Variants in TXNDC16 observed in about 807,000 individuals in gnomAD.
The protein encoded by TXNDC16 is thioredoxin domain containing 16, also known as thioredoxin domain-containing protein 16.
Under a neutral mutation model 85.6 loss-of-function variants are expected in TXNDC16, and 74 were observed. That is an observed-to-expected ratio of 0.86 (90% CI 0.72 to 1.05). The LOEUF is 1.05. Ranked by LOEUF, TXNDC16 falls within the 50% of genes least tolerant of loss-of-function variation. The probability of loss-of-function intolerance (pLI) is 0.00; values close to 1 mark genes in which losing one functional copy is unlikely to be tolerated. For synonymous variants in TXNDC16, 335 were observed against 326.5 expected, an observed-to-expected ratio of 1.03 and a Z score of -0.28; for missense variants, 959 against 947.0, an observed-to-expected ratio of 1.01 and a Z score of -0.17.
At chr14:52,459,188 T>G (rs2035599707) in intron 16 of TXNDC16, among the ~76,000 whole-genome samples, 1 of 152,190 alleles carries the variant, frequency 6.6e-6, no homozygotes, top group Non-Finnish European at 1.5e-5. Flanking sequence ...TCTTATTGAA[T>G]AATTATTTTT....
intron 18 of TXNDC16, among the ~76,000 whole-genome samples, chr14:52,445,997 A>C (rs886850662): frequency 3.9e-5 from 6 of 152,230 alleles, no homozygotes; most frequent in African/African-American, 1.4e-4. Context: ...AGGAGAGTGA[A>C]GCAAGATGGC....
At chr14:52,539,305 A>G (rs1158492980) in intron 4 of TXNDC16, among the ~76,000 whole-genome samples, 1 of 152,214 alleles carries the variant, frequency 6.6e-6, no homozygotes, top group Non-Finnish European at 1.5e-5. Flanking sequence ...AAAAGTATAC[A>G]AATAAGTATA....
intron 7 of TXNDC16, among the ~76,000 whole-genome samples, chr14:52,515,626 TTCTTC>T (rs141092521): frequency 0.049 from 7,398 of 152,026 alleles, 235 homozygotes; most frequent in Middle Eastern, 0.075. Context: ...AACTCATTTC[TTCTTC>T]TCTTATTTCT....
At chr14:52,503,547 G>A (rs376030474) in intron 9 of TXNDC16, among the ~76,000 whole-genome samples, 1 of 152,118 alleles carries the variant, frequency 6.6e-6, no homozygotes, top group Non-Finnish European at 1.5e-5. Flanking sequence ...AAACAAAAAG[G>A]ACATCCACAC....
At chr14:52,436,149 T>C (rs2035021584) in intron 20 of TXNDC16, among the ~76,000 whole-genome samples, 1 of 152,112 alleles carries the variant, frequency 6.6e-6, no homozygotes, top group Admixed American at 6.5e-5. Flanking sequence ...TTATTCATAA[T>C]CGCCATAAGT....
intron 16 of TXNDC16, among the ~76,000 whole-genome samples, chr14:52,462,468 C>T (rs1023636244): frequency 1.3e-5 from 2 of 152,194 alleles, no homozygotes; most frequent in African/African-American, 2.4e-5. Flanking sequence ...GCACATGCCA[C>T]CATGCCTGGC....
At chr14:52,454,707 T>C (rs1473805489) in intron 18 of TXNDC16, among the ~76,000 whole-genome samples, 2 of 147,784 alleles carry the variant, frequency 1.4e-5, no homozygotes, top group Non-Finnish European at 3.0e-5. Flanking sequence ...TCCCAGCTAC[T>C]TGGGAGGCTG....
chr14:52,431,227 C>T lies in TXNDC16; in HGVS notation c.*1077G>A, dbSNP rs1334542572. 1 of 152,204 alleles carries T rather than the reference C, an allele frequency of 6.6e-6. No individual in the cohort carries two copies. Among genetic ancestry groups the T allele is most frequent in the Non-Finnish European group, 1.5e-5 (1 of 68,042 alleles). The allele number at this position is 152,204 out of a possible 1,614,324, so 9.4% of individuals were successfully genotyped here. A position where few individuals can be genotyped will look rare whatever the true frequency, so the allele number is the denominator to read the frequency against. ...GGGAGATCAACTGATTTGTCTGAAGCTTGCAAGGGTAGATTTCAGAGACGC... is the reference window on the plus strand; with the variant it reads ...GGGAGATCAACTGATTTGTCTGAAGTTTGCAAGGGTAGATTTCAGAGACGC... On this transcript the variant is annotated 3_prime_UTR_variant, in exon 21 of 21. Coordinates refer to ENST00000281741, the MANE Select transcript of TXNDC16 (RefSeq NM_020784.3).
intron 7 of TXNDC16, among the ~76,000 whole-genome samples, chr14:52,518,278 C>A (rs1192150679): frequency 6.6e-6 from 1 of 152,224 alleles, no homozygotes; most frequent in Non-Finnish European, 1.5e-5. Context: ...ATACTCCCAA[C>A]ATGAAATGCA....
At chr14:52,534,833 C>T (rs2037663204) in intron 6 of TXNDC16, among the ~76,000 whole-genome samples, 1 of 152,326 alleles carries the variant, frequency 6.6e-6, no homozygotes, top group East Asian at 1.9e-4. Context: ...TAACAAGTGT[C>T]TGGCACACAG....
In TXNDC16 at chr14:52,530,417, AATATTAT is replaced by A. The variant is rs2037507343; in HGVS notation, c.392+6295_392+6301del. ...ATAATATAATATATAATTATTATAT[AATATTAT>A]ATATAATAATATATAATATATTATT... On this transcript the variant is annotated intron_variant, in intron 6 of 20. Coordinates refer to ENST00000281741, the MANE Select transcript of TXNDC16 (RefSeq NM_020784.3). Among the ~76,000 whole-genome samples, 7 of 21,446 alleles carry A rather than the reference AATATTAT, an allele frequency of 3.3e-4. 1 individual carries two copies. The highest frequency in any genetic ancestry group is 1.9e-3 in the African/African-American group (7 of 3,746). 14.1% of individuals were successfully genotyped at this position (21,446 alleles called of 152,430 possible). A position where few individuals can be genotyped will look rare whatever the true frequency, so the allele number is the denominator to read the frequency against.
At chr14:52,505,690 C>G (rs1004908762) in intron 9 of TXNDC16, among the ~76,000 whole-genome samples, 4 of 151,964 alleles carry the variant, frequency 2.6e-5, no homozygotes, top group Non-Finnish European at 4.4e-5. Flanking sequence ...TCAAAAGCTA[C>G]CAGAAGGCAA....
chr14:52,432,539 A>T lies in TXNDC16; in HGVS notation c.2243T>A (p.Phe748Tyr), dbSNP rs775379440. Reference protein sequence around the residue: ...EWKPPLPAYDFLSMIDAATSQ... With the variant: ...EWKPPLPAYDYLSMIDAATSQ... The stretch of plus-strand genomic sequence containing the variant: ...TGTTGCGGCATCTATCATACTTAGA[A>T]AATCATAAGCTGGAAGAGGAGGTTT... The change falls in exon 21 of 21, where the codon TTT becomes TAT. Residue 748 changes from phenylalanine (F) to tyrosine (Y), a missense_variant. Coordinates refer to ENST00000281741, the MANE Select transcript of TXNDC16 (RefSeq NM_020784.3). 1 of 1,612,886 alleles carries T rather than the reference A, an allele frequency of 6.2e-7. No homozygotes were observed. Among genetic ancestry groups the T allele is most frequent in the East Asian group, 2.2e-5 (1 of 44,820 alleles).
chr14:52,544,591 A>T (rs573415759), intron 1 of TXNDC16, among the ~76,000 whole-genome samples: 1 of 152,214 alleles, frequency 6.6e-6, no homozygotes, highest in Non-Finnish European at 1.5e-5. Context: ...AAAGAATAAA[A>T]TAATAAAGAA....
intron 16 of TXNDC16, among the ~76,000 whole-genome samples, chr14:52,466,544 C>A (rs2035779878): frequency 6.6e-6 from 1 of 150,940 alleles, no homozygotes; most frequent in Non-Finnish European, 1.5e-5. Flanking sequence ...AAAATACAAG[C>A]AAAAGAAGCA....
At chr14:52,525,846 G>C (rs1397576582) in intron 6 of TXNDC16, among the ~76,000 whole-genome samples, 6 of 151,636 alleles carry the variant, frequency 4.0e-5, no homozygotes, top group Admixed American at 3.3e-4. Flanking sequence ...CAAAACCCAT[G>C]GATGCTCAAG....
At chr14:52,549,873 G>A (rs779963696) in intron 1 of TXNDC16, among the ~76,000 whole-genome samples, 9 of 152,060 alleles carry the variant, frequency 5.9e-5, no homozygotes, top group Admixed American at 1.3e-4. Flanking sequence ...TCCTGACCTC[G>A]TGATCTGCCC....
chr14:52,481,880 G>C (rs1335119637), intron 14 of TXNDC16, among the ~76,000 whole-genome samples: 2 of 152,114 alleles, frequency 1.3e-5, no homozygotes, highest in Non-Finnish European at 2.9e-5. Context: ...TCTTGAATCT[G>C]CCAAATTTTT....
rs765671318 is a variant in TXNDC16, at chr14:52,488,507, A to T, written c.985-21T>A. On this transcript the variant is annotated intron_variant, in intron 11 of 20. Coordinates refer to ENST00000281741, the MANE Select transcript of TXNDC16 (RefSeq NM_020784.3). Reference sequence around the variant, plus strand: ...ACTCCCTAGAAATACATTAATTTTTAAAAAATGAATATAGCAAAGTATTTT... The same window carrying T: ...ACTCCCTAGAAATACATTAATTTTTTAAAAATGAATATAGCAAAGTATTTT... 1,645 of 1,561,030 alleles carry T rather than the reference A, an allele frequency of 1.1e-3. 3 individuals are homozygous for T. Among genetic ancestry groups the T allele is most frequent in the Non-Finnish European group, 1.4e-3 (1,581 of 1,142,542 alleles).
Sources: allele counts gnomAD v4.1 joint callset (sites outside exome capture counted in the v4.1 genomes callset), GRCh38; gene constraint gnomAD v4.1.1; transcripts MANE v1.5; gene names NCBI Gene and HGNC (gene_info 2026-07-23, HGNC 2026-07-21).